The following SLC45A4 variants were observed in gnomAD, a reference collection of about 807,000 sequenced individuals.
The protein encoded by SLC45A4 is polyamine-transporter SLC45A4.
Under a neutral mutation model 63.7 loss-of-function variants are expected in SLC45A4, and 32 were observed. The ratio of observed to expected loss-of-function variants is 0.50; its 90% CI spans 0.38 to 0.67. The LOEUF (loss-of-function observed/expected upper bound fraction) is 0.67, where lower values mean the gene tolerates loss of function less well. SLC45A4 is among the 30% of genes least tolerant of loss of function. The pLI is 0.00. For synonymous variants in SLC45A4, 535 were observed against 510.0 expected (o/e 1.05, Z -0.66); for missense variants, 1,027 against 1,157.7 (o/e 0.89, Z 1.64).
rs922701115 is a variant in SLC45A4, at chr8:141,254,824, C to T, written c.-400-195G>A. ...CTTTCTAGAAAAACATTTTCTCATA[C>T]GAAAGTGAATCCTGGGGAAGGACAA... is the stretch of plus-strand genomic sequence containing the variant. On this transcript the variant is annotated intron_variant, in intron 1 of 8. Transcript: ENST00000517878. This position sits in a 1 kb window ranked among gnomAD's most constrained non-coding sequence, Gnocchi z 4.5. The T allele has an allele frequency of 4.9e-5, 25 of 514,680 alleles. No individual in the cohort carries two copies. Among genetic ancestry groups the T allele is most frequent in the Non-Finnish European group, 7.5e-5 (20 of 267,854 alleles). 31.9% of individuals were successfully genotyped at this position (514,680 alleles called of 1,614,324 possible).
chr8:141,307,303 GA>G (rs1474620819), intron 1 of SLC45A4, among the ~76,000 whole-genome samples: 1 of 152,226 alleles, frequency 6.6e-6, no homozygotes, highest in Non-Finnish European at 1.5e-5. Context: ...ACAGAGCAGG[GA>G]ATCTGGGCCC....
At chr8:141,293,750 T>C (rs1312817164) in intron 1 of SLC45A4, among the ~76,000 whole-genome samples, 2 of 152,134 alleles carry the variant, frequency 1.3e-5, no homozygotes, top group South Asian at 2.1e-4. Context: ...CTGGCAAACA[T>C]GGTGAAACCC....
At chr8:141,294,552 C>T (rs1202762327) in intron 1 of SLC45A4, among the ~76,000 whole-genome samples, 1 of 152,196 alleles carries the variant, frequency 6.6e-6, no homozygotes, top group Non-Finnish European at 1.5e-5. Flanking sequence ...ATGAGGCCTC[C>T]CCAGAGCGGT....
In SLC45A4 at chr8:141,256,960, T is replaced by G. The variant is rs912176651; in HGVS notation, c.-400-2331A>C. The G allele has an allele frequency of 1.7e-5, 4 of 240,582 alleles. No homozygotes were observed. The highest frequency in any genetic ancestry group is 3.4e-5 in the Non-Finnish European group (4 of 117,330). 14.9% of individuals were successfully genotyped at this position (240,582 alleles called of 1,614,324 possible). ...CCTCCGCCTCCCAGCTTCAAGCGAT[T>G]CTCCCGCCTCAGCCTCCTGAGTAGC... On this transcript the variant is annotated intron_variant, in intron 1 of 8. Transcript: ENST00000517878. The surrounding 1 kb of genome is among the most constrained non-coding windows in gnomAD (Gnocchi z 4.3).
At chr8:141,251,527 A>T (rs1466525966) in intron 2 of SLC45A4, among the ~76,000 whole-genome samples, 1 of 151,704 alleles carries the variant, frequency 6.6e-6, no homozygotes, top group African/African-American at 2.4e-5. Context: ...ATAGGCACCC[A>T]AGGAGCACAA....
chr8:141,214,192 CA>C (rs11292288), intron 7 of SLC45A4, among the ~76,000 whole-genome samples: 10,199 of 74,270 alleles, frequency 0.14, 304 homozygotes, highest in East Asian at 0.34. Flanking sequence ...ACTCTGTCTC[CA>C]AAAAAAAAAA....
chr8:141,302,743 C>T (rs1248589443), intron 1 of SLC45A4, among the ~76,000 whole-genome samples: 2 of 152,196 alleles, frequency 1.3e-5, no homozygotes, highest in East Asian at 3.8e-4. Flanking sequence ...AAAAAGCTGC[C>T]TCTACGATAC....
intron 1 of SLC45A4, among the ~76,000 whole-genome samples, chr8:141,289,342 C>T (rs1482552696): frequency 6.6e-6 from 1 of 152,172 alleles, no homozygotes; most frequent in African/African-American, 2.4e-5. Flanking sequence ...ACCTAAGTTC[C>T]ACGCCTTAGT....
In SLC45A4 at chr8:141,295,765, T is replaced by A. The variant is rs551931130; in HGVS notation, c.-401+12331A>T. Among the ~76,000 whole-genome samples, 9 of 152,284 alleles carry A rather than the reference T, an allele frequency of 5.9e-5. No homozygotes were observed. In the East Asian group the frequency reaches 1.7e-3, roughly 29 times the overall value. ...GAAGCACCTGGGAAGGTTACCCTGGTTGAGTGAACGTGATGAGAAAAAACA... is the reference window on the plus strand; with the variant it reads ...GAAGCACCTGGGAAGGTTACCCTGGATGAGTGAACGTGATGAGAAAAAACA... On this transcript the variant is annotated intron_variant, in intron 1 of 8. Transcript: ENST00000517878.
At chr8:141,261,191 G>C (rs944944136) in intron 1 of SLC45A4, among the ~76,000 whole-genome samples, 26 of 152,150 alleles carry the variant, frequency 1.7e-4, no homozygotes, top group African/African-American at 6.0e-4. Flanking sequence ...CATGCTAAAA[G>C]CTCTCAATAA....
At position 141,218,326 on chromosome 8, in the gene SLC45A4, G is replaced by A. The variant is rs1826318506; in HGVS notation, c.1314C>T (p.Tyr438=). 2 of 1,607,612 alleles carry A rather than the reference G, an allele frequency of 1.2e-6. No individual in the cohort carries two copies. Among genetic ancestry groups the A allele is most frequent in the African/African-American group, 1.3e-5 (1 of 74,946 alleles). ...SYYGKLGSHC[Y]RYRRANAVVL... ...CCACGGCGTTGGCGCGCCGGTAGCG[G>A]TAGCAGTGGGACCCAAGCTTGCCGT... Residue 438 remains tyrosine, a synonymous_variant, in exon 5 of 9, where the codon TAC becomes TAT. Transcript: ENST00000517878.
intron 1 of SLC45A4, among the ~76,000 whole-genome samples, chr8:141,273,063 C>T (rs1399158468): frequency 4.6e-5 from 7 of 152,212 alleles, no homozygotes; most frequent in African/African-American, 9.7e-5. Flanking sequence ...GTAGCAAACA[C>T]GCGAGAAGAG....
chr8:141,277,613 A>C (rs1172657095), intron 1 of SLC45A4, among the ~76,000 whole-genome samples: 1 of 152,172 alleles, frequency 6.6e-6, no homozygotes, highest in Admixed American at 6.5e-5. Flanking sequence ...TACTCTTAAA[A>C]AAAAAAATCT....
Position 141,212,526 on chromosome 8 carries a change from G to C in SLC45A4, c.1972C>G (p.Arg658Gly). The change falls in exon 8 of 9, where the codon CGA becomes GGA. Residue 658 changes from arginine to glycine, a missense_variant. Coordinates refer to ENST00000517878, the MANE Select transcript of SLC45A4 (RefSeq NM_001286646.2). Reference protein sequence around the residue: ...YIHHSPGNSKRGFGIDCAILS... With the variant: ...YIHHSPGNSKGGFGIDCAILS... ...ATGGCACAATCTATGCCAAACCCTC[G>C]CTTGGAGTTCCCGGGGCTGTGGTGG... 1 of 1,609,714 alleles carries C rather than the reference G, an allele frequency of 6.2e-7. No homozygotes were observed. Among genetic ancestry groups the C allele is most frequent in the Non-Finnish European group, 8.5e-7 (1 of 1,177,268 alleles).
At chr8:141,226,980 CCCTGCCTCGCAGGT>C (rs1827039834) in intron 2 of SLC45A4, 1 of 152,258 alleles carries the variant, frequency 6.6e-6, no homozygotes, top group Non-Finnish European at 1.5e-5. Flanking sequence ...GCTGCCGCCT[CCCTGCCTCGCAGGT>C]CCTGCTCTGA....
chr8:141,249,361 G>A (rs1337535363), intron 2 of SLC45A4, among the ~76,000 whole-genome samples: 5 of 152,198 alleles, frequency 3.3e-5, no homozygotes, highest in African/African-American at 9.7e-5. Flanking sequence ...ATGATGGCAG[G>A]TCCATTCAGT....
chr8:141,301,485 G>A (rs751066917), intron 1 of SLC45A4, among the ~76,000 whole-genome samples: 12 of 152,046 alleles, frequency 7.9e-5, no homozygotes, highest in Non-Finnish European at 1.2e-4. Flanking sequence ...GCTCATGCCT[G>A]TAATCTCAGC....
intron 1 of SLC45A4, among the ~76,000 whole-genome samples, chr8:141,286,920 C>CT (rs1279507840): frequency 1.3e-5 from 2 of 152,130 alleles, no homozygotes; most frequent in Non-Finnish European, 2.9e-5. Context: ...TGGGGAGGAG[C>CT]TGCAGAGTTC....
chr8:141,281,963 C>T (rs551818166), intron 1 of SLC45A4, among the ~76,000 whole-genome samples: 19 of 151,966 alleles, frequency 1.3e-4, no homozygotes, highest in East Asian at 3.9e-4. Context: ...GCTCCTGCCC[C>T]GAGCTGCACG....
Sources: gnomAD v4.1 joint callset for allele counts (sites outside exome capture counted in the v4.1 genomes callset) on GRCh38, gnomAD v4.1.1 for gene constraint, Gnocchi (gnomAD v3.1) non-coding constraint, MANE v1.5 for transcripts, NCBI Gene and HGNC (gene_info 2026-07-23, HGNC 2026-07-21) for gene names.